LDHC: variants seen among roughly 807,000 people sequenced by gnomAD.
The protein encoded by LDHC is lactate dehydrogenase C, also known as L-lactate dehydrogenase C chain.
In LDHC, 20 loss-of-function variants were observed where a neutral mutation model predicts 30.2. That is an observed-to-expected ratio of 0.66 (90% CI 0.47 to 0.96). LDHC has a LOEUF of 0.96. LDHC is among the 40% of genes least tolerant of loss of function. The probability of loss-of-function intolerance (pLI) is 0.00; values close to 1 mark genes in which losing one functional copy is unlikely to be tolerated. For synonymous variants in LDHC, 139 were observed against 132.7 expected, an observed-to-expected ratio of 1.05 and a Z score of -0.32; for missense variants, 362 against 394.9, an observed-to-expected ratio of 0.92 and a Z score of 0.71.
At chr11:18,427,823 C>T (rs529951700) in intron 3 of LDHC, among the ~76,000 whole-genome samples, 3 of 151,998 alleles carry the variant, frequency 2.0e-5, no homozygotes, top group Middle Eastern at 3.4e-3. Context: ...GATTACAGCA[C>T]GTGCCATCAT....
At chr11:18,416,345 T>C (rs77491681) in intron 3 of LDHC, among the ~76,000 whole-genome samples, 2,075 of 152,316 alleles carry the variant, frequency 0.014, 51 homozygotes, top group African/African-American at 0.047. Context: ...GCCTCATTGG[T>C]GTTAGCATCA....
chr11:18,424,351 C>T (rs762059257), intron 3 of LDHC, among the ~76,000 whole-genome samples: 1 of 151,812 alleles, frequency 6.6e-6, no homozygotes, highest in Non-Finnish European at 1.5e-5. Flanking sequence ...CACTGCACTC[C>T]AGCCTGGGCC....
intron 5 of LDHC, among the ~76,000 whole-genome samples, chr11:18,437,706 C>T (rs537788837): frequency 1.4e-5 from 2 of 145,462 alleles, no homozygotes; most frequent in East Asian, 4.1e-4. Context: ...GAGCCGAGAT[C>T]GCGCCACTGC....
chr11:18,436,754 G>A (rs900392945), intron 5 of LDHC, among the ~76,000 whole-genome samples: 16 of 152,026 alleles, frequency 1.1e-4, no homozygotes, highest in Non-Finnish European at 4.4e-5. Flanking sequence ...CCAAAGTGCT[G>A]GGATTATAGG....
chr11:18,423,874 T>G (rs1186020325), intron 3 of LDHC, among the ~76,000 whole-genome samples: 2 of 151,760 alleles, frequency 1.3e-5, no homozygotes, highest in African/African-American at 4.8e-5. Flanking sequence ...AATAGAAAAA[T>G]GAGAAAAGCC....
chr11:18,419,538 C>T (rs1170097666), intron 3 of LDHC, among the ~76,000 whole-genome samples: 1 of 152,080 alleles, frequency 6.6e-6, no homozygotes, highest in Non-Finnish European at 1.5e-5. Context: ...TATTTCAGGC[C>T]TCAAAGAACT....
At chr11:18,439,752 A>T in intron 6 of LDHC, among the ~76,000 whole-genome samples, 1 of 143,988 alleles carries the variant, frequency 6.9e-6, no homozygotes, top group Non-Finnish European at 1.5e-5. Context: ...AGGTGGGCAG[A>T]TCACCTGAGG....
intron 6 of LDHC, among the ~76,000 whole-genome samples, chr11:18,442,834 T>C (rs1272830633): frequency 6.6e-6 from 1 of 152,056 alleles, no homozygotes; most frequent in East Asian, 1.9e-4. Flanking sequence ...GGCTAGTTTT[T>C]ATATTTTTAG....
Position 18,451,151 on chromosome 11 carries a change from T to C in LDHC, c.*24T>C. On this transcript the variant is annotated 3_prime_UTR_variant, in exon 8 of 8. Coordinates refer to ENST00000541669, the MANE Select transcript of LDHC (RefSeq NM_017448.5). Reference sequence around the variant, plus strand: ...AAATTAAAGCCTTCTAATGTTCCACTGTTTGGAGAACAGAAGATAGCAGGC... The same window carrying C: ...AAATTAAAGCCTTCTAATGTTCCACCGTTTGGAGAACAGAAGATAGCAGGC... The C allele has an allele frequency of 7.2e-7, 1 of 1,379,528 alleles. No homozygotes were observed. The highest frequency in any genetic ancestry group is 2.0e-4 in the Middle Eastern group (1 of 5,078). The allele number at this position is 1,379,528 out of a possible 1,614,324, so 85.5% of individuals were successfully genotyped here. A position where few individuals can be genotyped will look rare whatever the true frequency, so the allele number is the denominator to read the frequency against.
At chr11:18,426,665 A>G (rs1388126260) in intron 3 of LDHC, among the ~76,000 whole-genome samples, 1 of 152,198 alleles carries the variant, frequency 6.6e-6, no homozygotes, top group African/African-American at 2.4e-5. Context: ...AAGATAACAT[A>G]TGCTCTTATA....
Position 18,451,116 on chromosome 11 carries a change from C to A in LDHC, c.988C>A (p.Leu330Ile), listed in dbSNP as rs146040369. 5.7e-4 allele frequency: 863 copies of A among 1,511,552 alleles called. 8 individuals carry two copies. In the African/African-American group the frequency reaches 0.011, roughly 20 times the overall value. The allele number at this position is 1,511,552 out of a possible 1,614,324, so 93.6% of individuals were successfully genotyped here. A position where few individuals can be genotyped will look rare whatever the true frequency, so the allele number is the denominator to read the frequency against. The change falls in exon 8 of 8, where the codon CTA becomes ATA. Residue 330 changes from leucine (L) to isoleucine (I), a missense_variant. Coordinates refer to ENST00000541669, the MANE Select transcript of LDHC (RefSeq NM_017448.5). Reference protein sequence around the residue: ...AETLWNIQKDLIF With the variant: ...AETLWNIQKDIIF ...AACACTTTGGAATATTCAAAAGGAT[C>A]TAATATTTTAAATTAAAGCCTTCTA... is the stretch of plus-strand genomic sequence containing the variant.
At chr11:18,449,985 G>C (rs1042442041) in intron 7 of LDHC, 1 of 151,804 alleles carries the variant, frequency 6.6e-6, no homozygotes, top group Admixed American at 6.6e-5. Flanking sequence ...CCCAAAGAGA[G>C]GGGTAAAGAG....
chr11:18,415,314 T>A lies in LDHC; in HGVS notation c.244+13T>A. On this transcript the variant is annotated intron_variant, in intron 3 of 7. Coordinates refer to ENST00000541669, the MANE Select transcript of LDHC (RefSeq NM_017448.5). ...ACTTCTGGAAAAGGTTAATTTTAGT[T>A]TTATAAAGTTATTTTCAAAGCTTTT... is the stretch of plus-strand genomic sequence containing the variant. The A allele has an allele frequency of 7.8e-7, 1 of 1,287,622 alleles. No individual in the cohort carries two copies. Among genetic ancestry groups the A allele is most frequent in the Non-Finnish European group, 1.1e-6 (1 of 896,120 alleles). 79.8% of individuals were successfully genotyped at this position (1,287,622 alleles called of 1,614,324 possible).
intron 7 of LDHC, chr11:18,450,363 G>A (rs541831547): frequency 8.5e-5 from 13 of 152,926 alleles, no homozygotes; most frequent in South Asian, 2.1e-4. Context: ...GAACTCAGGC[G>A]GAGGTAGTGG....
intron 6 of LDHC, among the ~76,000 whole-genome samples, chr11:18,444,520 T>C (rs1214829207): frequency 6.7e-6 from 1 of 149,390 alleles, no homozygotes; most frequent in Non-Finnish European, 1.5e-5. Flanking sequence ...TGGCCTCTGA[T>C]AGTGGCCCTG....
chr11:18,412,796 G>A lies in LDHC; in HGVS notation c.79G>A (p.Gly27Arg). 1 of 1,614,010 alleles carries A rather than the reference G, an allele frequency of 6.2e-7. No homozygotes were observed. Among genetic ancestry groups the A allele is most frequent in the East Asian group, 2.2e-5 (1 of 44,880 alleles). The change falls in exon 2 of 8, where the codon GGA becomes AGA. Residue 27 changes from glycine to arginine, a missense_variant. By Grantham distance (125) the Gly-to-Arg change is moderately radical. Coordinates refer to ENST00000541669, the MANE Select transcript of LDHC (RefSeq NM_017448.5). ...ENSQCKITIV[G>R]TGAVGMACAI... ...CTCCCAGTGTAAAATTACTATTGTT[G>A]GAACTGGTGCCGTAGGCATGGCTTG...
chr11:18,421,203 A>G (rs1004225741), intron 3 of LDHC, among the ~76,000 whole-genome samples: 2 of 151,924 alleles, frequency 1.3e-5, no homozygotes, highest in Non-Finnish European at 2.9e-5. Flanking sequence ...ACAGGCACAC[A>G]CCACTGAGCC....
chr11:18,433,950 GTTTGGTTGTTTATTGT>G (rs1453253785), intron 4 of LDHC, among the ~76,000 whole-genome samples: 1 of 152,124 alleles, frequency 6.6e-6, no homozygotes, highest in Non-Finnish European at 1.5e-5. Context: ...TTATTCTTAG[GTTTGGTTGTTTATTGT>G]AATCCCAGAC....
At position 18,412,732 on chromosome 11, in the gene LDHC, G is replaced by A. The variant is rs773180449; in HGVS notation, c.15G>A (p.Lys5=). ...AGGTTCTCCAAATGTCAACTGTCAAGGAGCAGCTAATTGAGAAGCTAATTG... is the reference window on the plus strand; with the variant it reads ...AGGTTCTCCAAATGTCAACTGTCAAAGAGCAGCTAATTGAGAAGCTAATTG... MSTV[K]EQLIEKLIED... The change falls in exon 2 of 8, where the codon AAG becomes AAA. Residue 5 remains lysine, a synonymous_variant. Coordinates refer to ENST00000541669, the MANE Select transcript of LDHC (RefSeq NM_017448.5). 6.2e-7 allele frequency: 1 copy of A among 1,613,790 alleles called. No individual in the cohort carries two copies. Among genetic ancestry groups the A allele is most frequent in the African/African-American group, 1.3e-5 (1 of 74,932 alleles).
Sources: gnomAD v4.1 joint callset for allele counts (sites outside exome capture counted in the v4.1 genomes callset) on GRCh38, gnomAD v4.1.1 for gene constraint, MANE v1.5 for transcripts, NCBI Gene and HGNC (gene_info 2026-07-23, HGNC 2026-07-21) for gene names.